The following COL7A1 variants were observed in gnomAD, a reference collection of about 807,000 sequenced individuals.
COL7A1 encodes collagen type VII alpha 1 chain, also known as collagen alpha-1(VII) chain.
Under a neutral mutation model 456.2 loss-of-function variants are expected in COL7A1, and 296 were observed. The ratio of observed to expected loss-of-function variants is 0.65; its 90% CI spans 0.59 to 0.71. The LOEUF (loss-of-function observed/expected upper bound fraction) is 0.71, where lower values mean the gene tolerates loss of function less well. COL7A1 is among the 30% of genes least tolerant of loss of function. The pLI is 0.00. For synonymous variants in COL7A1, 1,464 were observed against 1,525.9 expected (o/e 0.96, Z 0.95); for missense variants, 3,441 against 4,017.2 (o/e 0.86, Z 3.88).
At position 48,592,460 on chromosome 3, in the gene COL7A1, T is replaced by C; in HGVS notation, c.984A>G (p.Leu328=). 2 of 1,613,308 alleles carry C rather than the reference T, an allele frequency of 1.2e-6. No homozygotes were observed. Among genetic ancestry groups the C allele is most frequent in the Non-Finnish European group, 1.7e-6 (2 of 1,179,938 alleles). The change falls in exon 9 of 119, where the codon CTA becomes CTG. Residue 328 remains leucine (L), a synonymous_variant. Coordinates refer to ENST00000681320, the MANE Select transcript of COL7A1 (RefSeq NM_000094.4). This position sits in a 1 kb window ranked among gnomAD's most constrained non-coding sequence, Gnocchi z 7.6. ...AVSGTARTTA[L]EGPELTIQNT... ...TCTGGATGGTCAGTTCCGGCCCTTC[T>C]AGGGCAGCTGGGGGAGAGTCCCACC...
At position 48,588,532 on chromosome 3, in the gene COL7A1, C is replaced by T. The variant is rs929859675; in HGVS notation, c.2587+110G>A. 2.5e-6 allele frequency: 4 copies of T among 1,606,664 alleles called. No homozygotes were observed. In the South Asian group the frequency reaches 3.3e-5, roughly 13 times the overall value. On this transcript the variant is annotated intron_variant, in intron 20 of 118. Coordinates refer to ENST00000681320, the MANE Select transcript of COL7A1 (RefSeq NM_000094.4). This position sits in a 1 kb window ranked among gnomAD's most constrained non-coding sequence, Gnocchi z 4.6. Reference sequence around the variant, plus strand: ...CTCTCCCTCCTCTCAGACCCTGCCCCCAAAGGCTCACTACCAATCCTGGTC... The same window carrying T: ...CTCTCCCTCCTCTCAGACCCTGCCCTCAAAGGCTCACTACCAATCCTGGTC...
In COL7A1 at chr3:48,594,366, A is replaced by G. The variant is rs561997536; in HGVS notation, c.266+2T>C. 1.8e-4 allele frequency: 288 copies of G among 1,609,430 alleles called. 4 individuals carry two copies. In the South Asian group the frequency reaches 3.1e-3, roughly 17 times the overall value. ...TCCCCAGCCCCCAGGGCCCCTACTC[A>G]CCGTGGGTCATCGCTGTACTGCACT... is the stretch of plus-strand genomic sequence containing the variant. On this transcript the variant is annotated splice_donor_variant, in intron 3 of 118. Coordinates refer to ENST00000681320, the MANE Select transcript of COL7A1 (RefSeq NM_000094.4). LOFTEE classifies it high-confidence loss of function. This position sits in a 1 kb window ranked among gnomAD's most constrained non-coding sequence, Gnocchi z 5.5.
At position 48,590,543 on chromosome 3, in the gene COL7A1, C is replaced by T; in HGVS notation, c.1822G>A (p.Val608Met). The T allele has an allele frequency of 6.2e-7, 1 of 1,614,162 alleles. No homozygotes were observed. Among genetic ancestry groups the T allele is most frequent in the Non-Finnish European group, 8.5e-7 (1 of 1,180,042 alleles). The stretch of plus-strand genomic sequence containing the variant: ...ACCCTCACTCGCGTTGCATCTGACA[C>T]CACAACCCGCAGCCCTGGAACAGCA... The part of the protein sequence containing the change: ...PLAVPGLRVV[V>M]SDATRVRVAW... Residue 608 changes from valine (V) to methionine (M), a missense_variant, in exon 15 of 119, where the codon GTG becomes ATG. Physicochemically the swap from Val to Met is conservative, Grantham distance 21. This residue lies in a region of COL7A1 where 913 missense variants were observed against 1,088.2 expected (regional missense o/e 0.84). Coordinates refer to ENST00000681320, the MANE Select transcript of COL7A1 (RefSeq NM_000094.4). This position sits in a 1 kb window ranked among gnomAD's most constrained non-coding sequence, Gnocchi z 4.6.
chr3:48,587,926 C>T lies in COL7A1; in HGVS notation c.2724G>A (p.Gln908=). 6.3e-7 allele frequency: 1 copy of T among 1,596,484 alleles called. No homozygotes were observed. The highest frequency in any genetic ancestry group is 8.5e-7 in the Non-Finnish European group (1 of 1,171,980). ...LHWQPEGGQE[Q]SRVLGPELSS... is the part of the protein sequence containing the mutation. Reference sequence around the variant, plus strand: ...TGAGCTCGGGCCCCAGGACCCGGGACTGTTCCTGGCCACCTGGGGCAGGCG... The same window carrying T: ...TGAGCTCGGGCCCCAGGACCCGGGATTGTTCCTGGCCACCTGGGGCAGGCG... The change falls in exon 22 of 119, where the codon CAG becomes CAA. Residue 908 remains glutamine, a synonymous_variant. Transcript: ENST00000681320. The surrounding 1 kb of genome is among the most constrained non-coding windows in gnomAD (Gnocchi z 6.1).
Position 48,592,209 on chromosome 3 carries a change from C to T in COL7A1, c.1133G>A (p.Gly378Asp). Residue 378 changes from glycine (G) to aspartate (D), a missense_variant, in exon 10 of 119, where the codon GGT becomes GAT. Coordinates refer to ENST00000681320, the MANE Select transcript of COL7A1 (RefSeq NM_000094.4). This position sits in a 1 kb window ranked among gnomAD's most constrained non-coding sequence, Gnocchi z 7.6. The stretch of plus-strand genomic sequence containing the variant: ...CTCCAAGTCACGCAGCAACACTGAA[C>T]CCTGCCCAGGGCCCAGCTCCTGCTG... ...TQQQELGPGQ[G>D]SVLLRDLEPG... 1 of 1,614,120 alleles carries T rather than the reference C, an allele frequency of 6.2e-7. No individual in the cohort carries two copies. Among genetic ancestry groups the T allele is most frequent in the East Asian group, 2.2e-5 (1 of 44,888 alleles).
chr3:48,587,873 G>A lies in COL7A1; in HGVS notation c.2777C>T (p.Pro926Leu). 1 of 1,612,628 alleles carries A rather than the reference G, an allele frequency of 6.2e-7. No individual in the cohort carries two copies. Among genetic ancestry groups the A allele is most frequent in the South Asian group, 1.1e-5 (1 of 90,934 alleles). ...CAGCCTCACGCGGTACTGTGTCGCT[G>A]GCTCCAGCCCGTCCAGGTGATAGCT... ...LSSYHLDGLE[P>L]ATQYRVRLSV... The change falls in exon 22 of 119, where the codon CCA becomes CTA. Residue 926 changes from proline to leucine, a missense_variant. Around this residue, in one of 3 missense-constraint regions of COL7A1, gnomAD observed 444 missense variants for 427.6 expected, o/e 1.04. Coordinates refer to ENST00000681320, the MANE Select transcript of COL7A1 (RefSeq NM_000094.4). The surrounding 1 kb of genome is among the most constrained non-coding windows in gnomAD (Gnocchi z 6.1).
chr3:48,588,855 G>A lies in COL7A1; in HGVS notation c.2440+15C>T, dbSNP rs200059738. The A allele has an allele frequency of 7.1e-5, 114 of 1,613,418 alleles. No homozygotes were observed. In the East Asian group the frequency reaches 1.9e-3, roughly 27 times the overall value. ...CCCAGCCAGGAAGGACAGGGGTGGC[G>A]TCAGGGAGCCATACCTTCACTCCGG... On this transcript the variant is annotated intron_variant, in intron 19 of 118. Coordinates refer to ENST00000681320, the MANE Select transcript of COL7A1 (RefSeq NM_000094.4). This position sits in a 1 kb window ranked among gnomAD's most constrained non-coding sequence, Gnocchi z 4.6.
Position 48,576,254 on chromosome 3 carries a change from C to T in COL7A1, c.5815G>A (p.Val1939Met). The T allele has an allele frequency of 1.2e-6, 2 of 1,613,782 alleles. No individual in the cohort carries two copies. The highest frequency in any genetic ancestry group is 1.7e-5 in the Admixed American group (1 of 60,028). ...ACATCCCAAGCCTGGCTCACCGGCA[C>T]ACTTCCAGGCTCTCCTCGCAGGCCA... is the stretch of plus-strand genomic sequence containing the variant. ...ERGLRGEPGSVPNVDRLLETA... is the reference protein window; with the variant it reads ...ERGLRGEPGSMPNVDRLLETA... The change falls in exon 71 of 119, where the codon GTG (valine) becomes ATG (methionine). Residue 1939 changes from valine (V) to methionine (M), a missense_variant. Transcript: ENST00000681320.
chr3:48,584,487 A>G lies in COL7A1; in HGVS notation c.4117T>C (p.Ser1373Pro). The change falls in exon 36 of 119, where the codon TCG becomes CCG. Residue 1373 changes from serine (S) to proline (P), a missense_variant and splice_region_variant. By Grantham distance (74) the Ser-to-Pro change is moderately conservative. Coordinates refer to ENST00000681320, the MANE Select transcript of COL7A1 (RefSeq NM_000094.4). ...LPGRKGDPGP[S>P]GPPGPRGPLG... is the part of the protein sequence containing the mutation. The stretch of plus-strand genomic sequence containing the variant: ...GCCTCCACATACCCTGCACTTACCG[A>G]TGGTCCAGGGTCCCCTTTCCGCCCA... 6.2e-7 allele frequency: 1 copy of G among 1,613,686 alleles called. No individual in the cohort carries two copies. Among genetic ancestry groups the G allele is most frequent in the Non-Finnish European group, 8.5e-7 (1 of 1,179,878 alleles).
At position 48,566,964 on chromosome 3, in the gene COL7A1, G is replaced by A. The variant is rs2107632646; in HGVS notation, c.8169C>T (p.Pro2723=). The part of the protein sequence containing the change: ...GPSGNDGSAG[P]PGPPGSVGPR... Reference sequence around the variant, plus strand: ...GACCAACACTGCCAGGTGGCCCTGGGGGACCAGCAGAGCCATCATTTCCAC... The same window carrying A: ...GACCAACACTGCCAGGTGGCCCTGGAGGACCAGCAGAGCCATCATTTCCAC... The change falls in exon 111 of 119, where the codon CCC becomes CCT. Residue 2723 remains proline (P), a synonymous_variant. Transcript: ENST00000681320. The surrounding 1 kb of genome is among the most constrained non-coding windows in gnomAD (Gnocchi z 5.9). The A allele has an allele frequency of 6.2e-7, 1 of 1,611,728 alleles. No individual in the cohort carries two copies. The highest frequency in any genetic ancestry group is 8.5e-7 in the Non-Finnish European group (1 of 1,178,312).
rs747594735 is a variant in COL7A1, at chr3:48,579,312, C to T, written c.5308-35G>A. 2.5e-6 allele frequency: 4 copies of T among 1,614,180 alleles called. No individual in the cohort carries two copies. In the South Asian group the frequency reaches 3.3e-5, roughly 13 times the overall value. ...ATAGAGTGGTAAGAGGCCACCAAGG[C>T]TGAGGTGGATCTGATAACCCAGGCT... On this transcript the variant is annotated intron_variant, in intron 61 of 118. Coordinates refer to ENST00000681320, the MANE Select transcript of COL7A1 (RefSeq NM_000094.4). The surrounding 1 kb of genome is among the most constrained non-coding windows in gnomAD (Gnocchi z 4.4).
rs1343058917 is a variant in COL7A1, at chr3:48,578,104, C to A, written c.5532+217G>T. ...ACTTGAACCCGAGAGTCGAAGGTTG[C>A]AGTGAGCTGAGATTGTGCCACTGCA... On this transcript the variant is annotated intron_variant, in intron 65 of 118. Transcript: ENST00000681320. The surrounding 1 kb of genome is among the most constrained non-coding windows in gnomAD (Gnocchi z 4.7). Among the ~76,000 whole-genome samples the A allele has an allele frequency of 6.6e-6, 1 of 151,904 alleles. No homozygotes were observed. Among genetic ancestry groups the A allele is most frequent in the Non-Finnish European group, 1.5e-5 (1 of 68,004 alleles).
Position 48,592,822 on chromosome 3 carries a change from T to A in COL7A1, c.799A>T (p.Thr267Ser), listed in dbSNP as rs1388169509. 1 of 1,613,648 alleles carries A rather than the reference T, an allele frequency of 6.2e-7. No homozygotes were observed. Among genetic ancestry groups the A allele is most frequent in the Admixed American group, 1.7e-5 (1 of 60,018 alleles). The change falls in exon 7 of 119, where the codon ACT becomes TCT. Residue 267 changes from threonine to serine, a missense_variant. Transcript: ENST00000681320. This position sits in a 1 kb window ranked among gnomAD's most constrained non-coding sequence, Gnocchi z 7.6. Reference protein sequence around the residue: ...GPVTGYKVQYTPLTGLGQPLP... With the variant: ...GPVTGYKVQYSPLTGLGQPLP... ...GGCTGTCCCAGCCCCGTCAGAGGAG[T>A]GTACTGGACCTTGTAGCCAGTCACA...
chr3:48,589,744 C>T (rs1394201377), intron 16 of COL7A1, 26 bp from the exon 17 acceptor site: 1 of 1,613,900 alleles, frequency 6.2e-7, no homozygotes, highest in East Asian at 2.2e-5. Context: ...AATGGGGAGT[C>T]TGCTGGAACA....
In COL7A1 at chr3:48,578,652, T is replaced by G. The variant is rs1004629751; in HGVS notation, c.5425-137A>C. ...GACTGAGAGGTCCCATTGAGATCCCTCAGGCACAGACCCCATGGATGGGGG... is the reference window on the plus strand; with the variant it reads ...GACTGAGAGGTCCCATTGAGATCCCGCAGGCACAGACCCCATGGATGGGGG... On this transcript the variant is annotated intron_variant, in intron 63 of 118. Coordinates refer to ENST00000681320, the MANE Select transcript of COL7A1 (RefSeq NM_000094.4). The surrounding 1 kb of genome is among the most constrained non-coding windows in gnomAD (Gnocchi z 4.7). 9.3e-6 allele frequency: 10 copies of G among 1,073,302 alleles called. No individual in the cohort carries two copies. In the African/African-American group the frequency reaches 1.6e-4, roughly 17 times the overall value. 66.5% of individuals were successfully genotyped at this position (1,073,302 alleles called of 1,614,324 possible).
chr3:48,572,615 T>C lies in COL7A1; in HGVS notation c.6900+56A>G, dbSNP rs1163354632. The stretch of plus-strand genomic sequence containing the variant: ...ACCCCCATGGCATTTGGAAACAGGC[T>C]TGTGGGTGAGGCAGAGGAGTTGCTG... On this transcript the variant is annotated intron_variant, in intron 88 of 118. Transcript: ENST00000681320. The surrounding 1 kb of genome is among the most constrained non-coding windows in gnomAD (Gnocchi z 4.6). 6.6e-7 allele frequency: 1 copy of C among 1,520,892 alleles called. No homozygotes were observed. Among genetic ancestry groups the C allele is most frequent in the East Asian group, 2.7e-5 (1 of 37,068 alleles). 94.2% of individuals were successfully genotyped at this position (1,520,892 alleles called of 1,614,324 possible).
At position 48,576,123 on chromosome 3, in the gene COL7A1, A is replaced by T. The variant is rs534308488; in HGVS notation, c.5820+126T>A. The T allele has an allele frequency of 1.1e-5, 17 of 1,483,588 alleles. No individual in the cohort carries two copies. In the East Asian group the frequency reaches 1.2e-4, roughly 10 times the overall value. The allele number at this position is 1,483,588 out of a possible 1,614,324, so 91.9% of individuals were successfully genotyped here. A position where few individuals can be genotyped will look rare whatever the true frequency, so the allele number is the denominator to read the frequency against. On this transcript the variant is annotated intron_variant, in intron 71 of 118. Transcript: ENST00000681320. ...TTGAGTGTGGGCTACAAGAACCCCA[A>T]TGGGGCAGGGCACTGAACACACAGC...
In COL7A1 at chr3:48,566,419, C is replaced by T; in HGVS notation, c.8358+91G>A. On this transcript the variant is annotated intron_variant, in intron 113 of 118. Coordinates refer to ENST00000681320, the MANE Select transcript of COL7A1 (RefSeq NM_000094.4). This position sits in a 1 kb window ranked among gnomAD's most constrained non-coding sequence, Gnocchi z 5.9. ...TGGTGAGACTGCATGGAGCCAGGGC[C>T]CAGGGGTCAGGGTGCTGGGTGAGGG... The T allele has an allele frequency of 5.0e-6, 8 of 1,608,948 alleles. No homozygotes were observed. Among genetic ancestry groups the T allele is most frequent in the Non-Finnish European group, 6.0e-6 (7 of 1,176,266 alleles).
chr3:48,564,469 C>G lies in COL7A1; in HGVS notation c.8819-47G>C, dbSNP rs200632452. ...CGGTCGTCAGCCATCTGACCTTCCC[C>G]GGAGACGCTCAGGCAGAGGCACCGC... is the stretch of plus-strand genomic sequence containing the variant. On this transcript the variant is annotated intron_variant, in intron 118 of 118. Transcript: ENST00000681320. This position sits in a 1 kb window ranked among gnomAD's most constrained non-coding sequence, Gnocchi z 6.0. 4,175 of 1,611,754 alleles carry G rather than the reference C, an allele frequency of 2.6e-3. 64 individuals carry two copies. Among genetic ancestry groups the G allele is most frequent in the Middle Eastern group, 0.025 (152 of 6,006 alleles).
Sources: gnomAD v4.1 joint callset for allele counts (sites outside exome capture counted in the v4.1 genomes callset) on GRCh38, gnomAD v4.1.1 for gene constraint, gnomAD v4.1.1 regional missense constraint, Gnocchi (gnomAD v3.1) non-coding constraint, MANE v1.5 for transcripts, NCBI Gene and HGNC (gene_info 2026-07-23, HGNC 2026-07-21) for gene names.